The following SPMIP3 variants were observed in gnomAD, a reference collection of about 807,000 sequenced individuals.
SPMIP3 encodes the protein protein SPMIP3.
At chr1:244,354,103 C>T in the SPMIP3 span, among the ~76,000 whole-genome samples, 1 of 152,156 alleles carries the variant, frequency 6.6e-6, no homozygotes, top group Non-Finnish European at 1.5e-5. Flanking sequence ...GCAACTTACT[C>T]ACCAGCTCAC....
chr1:244,371,178 C>T, the SPMIP3 span, among the ~76,000 whole-genome samples: 2 of 152,208 alleles, frequency 1.3e-5, no homozygotes, highest in African/African-American at 4.8e-5. Flanking sequence ...CTGAATACAT[C>T]ACCTCAAAAA....
chr1:244,382,976 A>T, the SPMIP3 span, among the ~76,000 whole-genome samples: 2 of 152,062 alleles, frequency 1.3e-5, no homozygotes, highest in Non-Finnish European at 2.9e-5. Context: ...ACAATTTAAT[A>T]GGTTAGACCA....
chr1:244,383,626 C>A, the SPMIP3 span, among the ~76,000 whole-genome samples: 1 of 152,086 alleles, frequency 6.6e-6, no homozygotes, highest in Non-Finnish European at 1.5e-5. Flanking sequence ...AATGATGAGC[C>A]AAGAGCTGAA....
At chr1:244,360,696 T>C in the SPMIP3 span, among the ~76,000 whole-genome samples, 3 of 151,878 alleles carry the variant, frequency 2.0e-5, no homozygotes, top group East Asian at 5.8e-4. Flanking sequence ...ACCAGCCTGG[T>C]CAACATGGTG....
the SPMIP3 span, among the ~76,000 whole-genome samples, chr1:244,362,574 C>T: frequency 6.6e-6 from 1 of 152,142 alleles, no homozygotes; most frequent in East Asian, 1.9e-4. Flanking sequence ...AACACTCTCG[C>T]ACACATCTTT....
chr1:244,386,896 T>G, the SPMIP3 span, among the ~76,000 whole-genome samples: 2 of 152,230 alleles, frequency 1.3e-5, no homozygotes, highest in African/African-American at 4.8e-5. Context: ...TTATAAGCTA[T>G]GTATACTTGG....
chr1:244,364,877 G>A, the SPMIP3 span: 2 of 1,069,814 alleles, frequency 1.9e-6, no homozygotes, highest in Non-Finnish European at 2.8e-6. Flanking sequence ...GAGTTCTAGG[G>A]AAGCTCTTTG....
At chr1:244,355,898 T>A in the SPMIP3 span, among the ~76,000 whole-genome samples, 1 of 152,368 alleles carries the variant, frequency 6.6e-6, no homozygotes, top group South Asian at 2.1e-4. Flanking sequence ...GTTGTTCGAT[T>A]TTCACATATT....
chr1:244,356,918 C>CTTTTTTTTTTTT, the SPMIP3 span, among the ~76,000 whole-genome samples: 5 of 103,784 alleles, frequency 4.8e-5, no homozygotes, highest in African/African-American at 7.7e-5. Flanking sequence ...TTTTCTTTTC[C>CTTTTTTTTTTTT]TTTTTTTTTT....
the SPMIP3 span, among the ~76,000 whole-genome samples, chr1:244,388,436 TGACTGTTTTTAC>T: frequency 6.6e-6 from 1 of 150,824 alleles, no homozygotes; most frequent in African/African-American, 2.4e-5. Context: ...CCTTTGCTAT[TGACTGTTTTTAC>T]CATATACGTA....
chr1:244,364,393 C>T, the SPMIP3 span, among the ~76,000 whole-genome samples: 1 of 152,314 alleles, frequency 6.6e-6, no homozygotes, highest in East Asian at 1.9e-4. Flanking sequence ...GCGTGAGCCA[C>T]CACACCCGGC....
the SPMIP3 span, among the ~76,000 whole-genome samples, chr1:244,378,022 G>A: frequency 1.3e-5 from 2 of 151,978 alleles, no homozygotes; most frequent in African/African-American, 4.8e-5. Context: ...GCTCAGGCTG[G>A]ACTTGAACTC....
At chr1:244,372,647 G>T in the SPMIP3 span, among the ~76,000 whole-genome samples, 8 of 152,068 alleles carry the variant, frequency 5.3e-5, no homozygotes, top group South Asian at 1.7e-3. Context: ...GTTTCACCGC[G>T]TTAGCCAGGA....
the SPMIP3 span, among the ~76,000 whole-genome samples, chr1:244,361,119 A>G: frequency 6.6e-6 from 1 of 152,120 alleles, no homozygotes; most frequent in South Asian, 2.1e-4. Flanking sequence ...GAGGGAATAA[A>G]CGGTGGATGG....
chr1:244,362,843 C>CTTT, the SPMIP3 span, among the ~76,000 whole-genome samples: 62 of 117,552 alleles, frequency 5.3e-4, no homozygotes, highest in Non-Finnish European at 8.1e-4. Context: ...TCCCTGTGAA[C>CTTT]TTTTTTTTTT....
chr1:244,361,966 G>A, the SPMIP3 span, among the ~76,000 whole-genome samples: 51 of 152,246 alleles, frequency 3.3e-4, no homozygotes, highest in African/African-American at 1.2e-3. Flanking sequence ...GCTCAGCTGT[G>A]TTTACTCAGA....
At chr1:244,365,464 A>G in the SPMIP3 span, among the ~76,000 whole-genome samples, 2 of 152,038 alleles carry the variant, frequency 1.3e-5, no homozygotes, top group Non-Finnish European at 2.9e-5. Flanking sequence ...CATGGAAGAC[A>G]TGCCTTTCCT....
At chr1:244,369,864 G>A in the SPMIP3 span, among the ~76,000 whole-genome samples, 226 of 152,176 alleles carry the variant, frequency 1.5e-3, no homozygotes, top group African/African-American at 5.2e-3. Context: ...GCCGGGTCAC[G>A]TTCAGTTGCC....
the SPMIP3 span, among the ~76,000 whole-genome samples, chr1:244,388,363 C>G: frequency 1.3e-5 from 2 of 151,734 alleles, no homozygotes; most frequent in African/African-American, 2.4e-5. Context: ...ATACTTAAAG[C>G]CTTTGAGTCC....
Sources: gnomAD v4.1 joint callset for allele counts (sites outside exome capture counted in the v4.1 genomes callset) on GRCh38, gnomAD v4.1.1 for gene constraint, MANE v1.5 for transcripts, NCBI Gene and HGNC (gene_info 2026-07-23, HGNC 2026-07-21) for gene names.